Variants in FAM20B observed in about 807,000 individuals in gnomAD.
FAM20B encodes the protein glycosaminoglycan xylosylkinase.
In FAM20B, 23 loss-of-function variants were observed where a neutral mutation model predicts 43.8. The ratio of observed to expected loss-of-function variants is 0.53; its 90% CI spans 0.38 to 0.74. FAM20B has a LOEUF of 0.74. Among genes scored for constraint, FAM20B ranks in the 30% least tolerant of loss-of-function variants. The pLI is 0.00. For synonymous variants in FAM20B, 178 were observed against 192.4 expected (o/e 0.93, Z 0.62); for missense variants, 440 against 510.5 (o/e 0.86, Z 1.33).
At chr1:179,033,702 T>G (rs1650100334) in intron 1 of FAM20B, among the ~76,000 whole-genome samples, 1 of 152,152 alleles carries the variant, frequency 6.6e-6, no homozygotes, top group Admixed American at 6.5e-5. Context: ...TTTCTTTTTC[T>G]TTTTTTCTTT....
intron 1 of FAM20B, among the ~76,000 whole-genome samples, chr1:179,041,262 A>G (rs912282558): frequency 6.6e-6 from 1 of 152,102 alleles, no homozygotes; most frequent in African/African-American, 2.4e-5. Flanking sequence ...GTGGCGGCCG[A>G]GCAGAGGCTG....
intron 1 of FAM20B, among the ~76,000 whole-genome samples, chr1:179,033,919 C>T (rs1458778390): frequency 6.6e-6 from 1 of 152,142 alleles, no homozygotes; most frequent in Non-Finnish European, 1.5e-5. Flanking sequence ...TCTCAAACTC[C>T]CTACCTTGGG....
At chr1:179,022,813 T>C (rs189136971), upstream of FAM20B, among the ~76,000 whole-genome samples, 278 of 152,162 alleles carry the variant, frequency 1.8e-3, 1 homozygote, top group Non-Finnish European at 2.2e-3. Flanking sequence ...AAGACTTCAA[T>C]ACACCCCACC....
intron 2 of FAM20B, among the ~76,000 whole-genome samples, chr1:179,044,993 AATAG>A (rs1341406753): frequency 1.3e-5 from 2 of 152,198 alleles, no homozygotes; most frequent in Non-Finnish European, 2.9e-5. Context: ...TAGCTGTTCT[AATAG>A]ATCTCTTATT....
chr1:179,072,183 A>G lies in FAM20B; in HGVS notation c.*39A>G. 6.8e-7 allele frequency: 1 copy of G among 1,471,276 alleles called. No individual in the cohort carries two copies. The highest frequency in any genetic ancestry group is 2.4e-5 in the East Asian group (1 of 42,400). The allele number at this position is 1,471,276 out of a possible 1,614,324, so 91.1% of individuals were successfully genotyped here. ...ATAAGTGAAACTTCTTTTTACAAAG[A>G]TAGAGAAACAGCACAATCAATTCCA... On this transcript the variant is annotated 3_prime_UTR_variant, in exon 8 of 8. Coordinates refer to ENST00000263733, the MANE Select transcript of FAM20B (RefSeq NM_014864.4).
intron 7 of FAM20B, among the ~76,000 whole-genome samples, chr1:179,070,644 C>G (rs1322273432): frequency 4.0e-5 from 6 of 150,516 alleles, no homozygotes; most frequent in African/African-American, 1.2e-4. Flanking sequence ...TGTGCCTCAG[C>G]CTCCCAAGTA....
chr1:179,026,600 G>A (rs1380568785), intron 1 of FAM20B, among the ~76,000 whole-genome samples: 2 of 152,210 alleles, frequency 1.3e-5, no homozygotes, highest in Non-Finnish European at 2.9e-5. Flanking sequence ...AAGCGCGAGT[G>A]ACCTGCAGGC....
intron 1 of FAM20B, among the ~76,000 whole-genome samples, chr1:179,029,705 C>G (rs1649927875): frequency 6.6e-6 from 1 of 152,166 alleles, no homozygotes; most frequent in Admixed American, 6.5e-5. Flanking sequence ...GTAAAGAGGA[C>G]AGAACCAAGT....
chr1:179,070,704 TA>T (rs1651886806), intron 7 of FAM20B, among the ~76,000 whole-genome samples: 1 of 151,652 alleles, frequency 6.6e-6, no homozygotes, highest in South Asian at 2.1e-4. Context: ...TTTGTATTTT[TA>T]GTAGAGACGG....
At chr1:179,027,179 TTTATAAATC>T (rs1649823449) in intron 1 of FAM20B, among the ~76,000 whole-genome samples, 1 of 152,210 alleles carries the variant, frequency 6.6e-6, no homozygotes, top group African/African-American at 2.4e-5. Flanking sequence ...ACTGTAGGAC[TTTATAAATC>T]TATAATCTGG....
At chr1:179,044,384 C>G (rs147811762) in intron 2 of FAM20B, among the ~76,000 whole-genome samples, 160 bp downstream of exon 2, 4 of 152,292 alleles carry the variant, frequency 2.6e-5, no homozygotes, top group South Asian at 2.1e-4. Flanking sequence ...TAACATGAAT[C>G]TACCTTTATA....
At chr1:179,055,346 T>C (rs571119225) in intron 4 of FAM20B, among the ~76,000 whole-genome samples, 1 of 152,362 alleles carries the variant, frequency 6.6e-6, no homozygotes, top group South Asian at 2.1e-4. Context: ...TACAGTGCTC[T>C]GCATTAGGGC....
chr1:179,050,732 C>T (rs757480469), intron 3 of FAM20B, among the ~76,000 whole-genome samples: 25 of 152,202 alleles, frequency 1.6e-4, no homozygotes, highest in Admixed American at 5.9e-4. Context: ...GTAAGTAATG[C>T]TGACTTATTT....
At chr1:179,025,430 A>G (rs900440490), upstream of FAM20B, among the ~76,000 whole-genome samples, 2 of 152,200 alleles carry the variant, frequency 1.3e-5, no homozygotes, top group Non-Finnish European at 2.9e-5. Context: ...ACATTTAGAT[A>G]GGCAGAAGTT....
Position 179,064,426 on chromosome 1 carries a change from C to T in FAM20B, c.868C>T (p.Arg290Cys), listed in dbSNP as rs1460470968. Residue 290 changes from arginine (R) to cysteine (C), a missense_variant, in exon 6 of 8, where the codon CGC becomes TGC. Coordinates refer to ENST00000263733, the MANE Select transcript of FAM20B (RefSeq NM_014864.4). ...TGATTACCTGATTGGCAATGCTGACCGCCATCACTATGAGAGCTTTCAAGA... is the reference window on the plus strand; with the variant it reads ...TGATTACCTGATTGGCAATGCTGACTGCCATCACTATGAGAGCTTTCAAGA... The part of the protein sequence containing the change: ...VFDYLIGNAD[R>C]HHYESFQDDE... 3.1e-6 allele frequency: 5 copies of T among 1,614,084 alleles called. No homozygotes were observed. Among genetic ancestry groups the T allele is most frequent in the African/African-American group, 1.3e-5 (1 of 75,026 alleles).
chr1:179,050,150 T>C lies in FAM20B; in HGVS notation c.378-129T>C, dbSNP rs1027170111. The stretch of plus-strand genomic sequence containing the variant: ...GCAATTCATGCTAATCCACAGTTGT[T>C]TGCAGGGTTGACAGAGAAGGTGACT... On this transcript the variant is annotated intron_variant, in intron 2 of 7. Transcript: ENST00000263733. 1.6e-5 allele frequency: 10 copies of C among 616,584 alleles called. No individual in the cohort carries two copies. The South Asian group carries it at 2.1e-4, about 13-fold the overall frequency. The allele number at this position is 616,584 out of a possible 1,614,324, so 38.2% of individuals were successfully genotyped here. A position where few individuals can be genotyped will look rare whatever the true frequency, so the allele number is the denominator to read the frequency against.
At chr1:179,017,536 A>G in the FAM20B span, among the ~76,000 whole-genome samples, 3 of 152,196 alleles carry the variant, frequency 2.0e-5, no homozygotes, top group Admixed American at 6.5e-5. Flanking sequence ...TAAGATTTGC[A>G]GGGCTGGAAT....
intron 1 of FAM20B, among the ~76,000 whole-genome samples, chr1:179,028,310 G>A (rs574037420): frequency 6.6e-6 from 1 of 152,324 alleles, no homozygotes; most frequent in South Asian, 2.1e-4. Context: ...TTGGTCGGGC[G>A]CGGTGGCTTA....
In FAM20B at chr1:179,063,946, TG is replaced by T; in HGVS notation, c.597del (p.Lys200SerfsTer17). On this transcript the variant is annotated frameshift_variant, in exon 5 of 8. Transcript: ENST00000263733. LOFTEE classifies it high-confidence loss of function. ...LTVGNNTCFY[G>X]KCYYCRETEP... ...CTTTAGGAAACAATACTTGTTTTTA[TG>T]GGAAGTGCTATTACTGCCGAGAAAC... 6.2e-7 allele frequency: 1 copy of T among 1,608,308 alleles called. No homozygotes were observed. The highest frequency in any genetic ancestry group is 8.5e-7 in the Non-Finnish European group (1 of 1,177,206).
Sources: allele counts gnomAD v4.1 joint callset (sites outside exome capture counted in the v4.1 genomes callset), GRCh38; gene constraint gnomAD v4.1.1; transcripts MANE v1.5; gene names NCBI Gene and HGNC (gene_info 2026-07-23, HGNC 2026-07-21).